The following PSMD11 variants were observed in gnomAD, a reference collection of about 807,000 sequenced individuals.
The protein encoded by PSMD11 is proteasome 26S subunit, non-ATPase 11.
In PSMD11, 5 loss-of-function variants were observed where a neutral mutation model predicts 62.3. That is an observed-to-expected ratio of 0.08 (90% CI 0.04 to 0.17). The LOEUF is 0.17. Among genes scored for constraint, PSMD11 ranks in the 10% least tolerant of loss-of-function variants. The pLI, the probability that PSMD11 is intolerant of heterozygous loss-of-function variation, is 1.00. For missense variants in PSMD11, 310 were observed against 512.9 expected (o/e 0.60, Z 3.82); for synonymous variants, 191 against 191.8 (o/e 1.00, Z 0.03).
chr17:32,471,476 A>G (rs1395475737), intron 6 of PSMD11, among the ~76,000 whole-genome samples: 2 of 152,242 alleles, frequency 1.3e-5, no homozygotes, highest in African/African-American at 4.8e-5. Context: ...AAATGAAAAT[A>G]TAAGATGTTG....
intron 3 of PSMD11, among the ~76,000 whole-genome samples, chr17:32,463,698 C>G (rs559098868): frequency 6.6e-6 from 1 of 152,188 alleles, no homozygotes; most frequent in African/African-American, 2.4e-5. Flanking sequence ...CTATTTCTAA[C>G]CAGGGAGAAA....
intron 6 of PSMD11, among the ~76,000 whole-genome samples, chr17:32,471,751 G>A (rs962572173): frequency 6.6e-6 from 1 of 152,142 alleles, no homozygotes; most frequent in African/African-American, 2.4e-5. Context: ...TCCCTTTTAA[G>A]TTGAGTCTCT....
chr17:32,461,563 C>T (rs1185062572), intron 3 of PSMD11, among the ~76,000 whole-genome samples: 3 of 132,042 alleles, frequency 2.3e-5, no homozygotes, highest in African/African-American at 6.0e-5. Context: ...AAGAGTGAGA[C>T]TCTGTCTCAA....
chr17:32,454,904 G>T, intron 3 of PSMD11: 1 of 277,088 alleles, frequency 3.6e-6, no homozygotes, highest in South Asian at 4.6e-5. Context: ...CCTTTGTAAT[G>T]TTTTCTGTGT....
At chr17:32,445,785 C>T (rs977740301) in intron 1 of PSMD11, 1 of 152,186 alleles carries the variant, frequency 6.6e-6, no homozygotes, top group African/African-American at 2.4e-5. Flanking sequence ...AGGACAATGA[C>T]AAGATCTTGA....
chr17:32,468,136 C>CT (rs1307022543), intron 5 of PSMD11, among the ~76,000 whole-genome samples: 1 of 152,116 alleles, frequency 6.6e-6, no homozygotes, highest in Non-Finnish European at 1.5e-5. Flanking sequence ...TGATCTCGTT[C>CT]TTTTTTATGG....
rs368347176 is a variant in PSMD11 at position 32,480,148 on chromosome 17, C to T, written c.1077C>T (p.Ala359=). ...HISSLIKLSK[A]DVERKLSQMI... ...TTAATCATGTGCTTTGATTTTAGGC[C>T]GACGTGGAAAGGAAATTATCACAGA... Residue 359 remains alanine (A), a splice_region_variant and synonymous_variant, in exon 12 of 14, where the codon GCC becomes GCT. Transcript: ENST00000261712. 6.6e-5 allele frequency: 106 copies of T among 1,613,360 alleles called. 2 individuals are homozygous for T. In the South Asian group the frequency reaches 6.9e-4, roughly 11 times the overall value.
At chr17:32,479,519 T>TA (rs890963302) in intron 10 of PSMD11, 143 bp downstream of exon 10, 1 of 1,223,550 alleles carries the variant, frequency 8.2e-7, no homozygotes, top group Non-Finnish European at 1.1e-6. Context: ...CCTCTGTTGA[T>TA]AAAATGAACA....
chr17:32,458,521 C>T (rs1389497758), intron 3 of PSMD11, among the ~76,000 whole-genome samples: 1 of 152,220 alleles, frequency 6.6e-6, no homozygotes. Context: ...CAGTGACTCA[C>T]ATTGTATTTT....
chr17:32,445,916 G>A (rs1329772480), intron 1 of PSMD11: 10 of 152,138 alleles, frequency 6.6e-5, no homozygotes, highest in Non-Finnish European at 4.4e-5. Flanking sequence ...TTACTTCTAC[G>A]GAACCAGAGT....
chr17:32,465,248 G>A (rs1156643116), intron 5 of PSMD11, among the ~76,000 whole-genome samples: 1 of 152,186 alleles, frequency 6.6e-6, no homozygotes, highest in Non-Finnish European at 1.5e-5. Flanking sequence ...AGCCTCCTGA[G>A]TAGCTGGGAC....
chr17:32,454,286 G>C (rs1907587387), intron 2 of PSMD11, among the ~76,000 whole-genome samples: 1 of 152,150 alleles, frequency 6.6e-6, no homozygotes, highest in Non-Finnish European at 1.5e-5. Flanking sequence ...GGCTGAGTAG[G>C]GAACAGAATG....
intron 8 of PSMD11, among the ~76,000 whole-genome samples, chr17:32,475,627 T>A (rs1908294623): frequency 6.9e-6 from 1 of 144,136 alleles, no homozygotes; most frequent in South Asian, 2.2e-4. Flanking sequence ...TGAGTTGGAG[T>A]CTCATTCTTT....
At chr17:32,454,692 C>A in intron 3 of PSMD11, 73 bp downstream of exon 3, 2 of 1,500,860 alleles carry the variant, frequency 1.3e-6, no homozygotes, top group Non-Finnish European at 1.8e-6. Context: ...TGCCTACCTG[C>A]ACTTTAGTAC....
chr17:32,469,427 C>G (rs1038595543), intron 6 of PSMD11, among the ~76,000 whole-genome samples: 2 of 152,136 alleles, frequency 1.3e-5, no homozygotes, highest in African/African-American at 4.8e-5. Context: ...CTTTTAGAAC[C>G]AAACTTAGAA....
intron 1 of PSMD11, 76 bp from the exon 2 acceptor site, chr17:32,446,869 C>A: frequency 2.2e-5 from 17 of 776,126 alleles, no homozygotes; most frequent in East Asian, 3.7e-5. Context: ...TGTAATGGAT[C>A]TTATGAGGGT....
intron 2 of PSMD11, 112 bp from the exon 3 acceptor site, chr17:32,454,383 T>C: frequency 2.8e-6 from 3 of 1,073,904 alleles, no homozygotes; most frequent in Non-Finnish European, 4.1e-6. Flanking sequence ...TCACTTAGAC[T>C]GATTCCAGTG....
chr17:32,453,892 A>G (rs1304427621), intron 2 of PSMD11, among the ~76,000 whole-genome samples: 3 of 152,178 alleles, frequency 2.0e-5, no homozygotes, highest in Non-Finnish European at 4.4e-5. Flanking sequence ...GAGGAATTTA[A>G]AAGAGATATA....
chr17:32,447,619 G>A (rs1250863798), intron 2 of PSMD11, among the ~76,000 whole-genome samples: 2 of 152,144 alleles, frequency 1.3e-5, no homozygotes, highest in Admixed American at 6.5e-5. Flanking sequence ...GTGTGTCCTT[G>A]GAATGAGAAG....
Sources: gnomAD v4.1 joint callset for allele counts (sites outside exome capture counted in the v4.1 genomes callset) on GRCh38, gnomAD v4.1.1 for gene constraint, MANE v1.5 for transcripts, NCBI Gene and HGNC (gene_info 2026-07-23, HGNC 2026-07-21) for gene names.